Variants in ARID1A observed in about 807,000 individuals in gnomAD.
The protein encoded by ARID1A is AT-rich interaction domain 1A.
Under a neutral mutation model 212.6 loss-of-function variants are expected in ARID1A, and 20 were observed. The ratio of observed to expected loss-of-function variants is 0.09; its 90% confidence interval spans 0.07 to 0.14. The LOEUF (loss-of-function observed/expected upper bound fraction) is 0.14. Ranked by LOEUF, ARID1A falls within the 10% of genes least tolerant of loss-of-function variation. ARID1A has a pLI of 1.00. For synonymous variants in ARID1A, 1,376 were observed against 1,222.1 expected (o/e 1.13, Z -2.63); for missense variants, 2,587 against 3,059.0 (o/e 0.85, Z 3.64).
chr1:26,778,970 GTTCT>G (rs1301266816), intron 19 of ARID1A, 49 bp from the exon 20 acceptor site: 1 of 1,485,668 alleles, frequency 6.7e-7, no homozygotes, highest in African/African-American at 1.4e-5. Context: ...CAATAATTCT[GTTCT>G]TAGGCCACTT....
At chr1:26,716,082 C>G (rs529480255) in intron 1 of ARID1A, among the ~76,000 whole-genome samples, 18 of 150,976 alleles carry the variant, frequency 1.2e-4, no homozygotes, top group African/African-American at 4.4e-4. Context: ...GGTGCATGCC[C>G]GTAATCCCAG....
chr1:26,767,720 G>A (rs2081051528), intron 10 of ARID1A, 70 bp from the exon 11 acceptor site: 1 of 1,417,588 alleles, frequency 7.1e-7, no homozygotes, highest in Non-Finnish European at 9.6e-7. Context: ...CCAGTCAAGA[G>A]ACTTCTGAGA....
chr1:26,765,980 T>C (rs1055636267), intron 8 of ARID1A: 3 of 459,524 alleles, frequency 6.5e-6, no homozygotes, highest in African/African-American at 3.9e-5. Context: ...AGATTAAGGC[T>C]GCAGTAAGCT....
At chr1:26,702,039 G>C (rs1266326298) in intron 1 of ARID1A, among the ~76,000 whole-genome samples, 1 of 152,184 alleles carries the variant, frequency 6.6e-6, no homozygotes, top group Admixed American at 6.5e-5. Flanking sequence ...TTGATATTCT[G>C]CTGCTTTTGG....
At chr1:26,701,014 G>C (rs1270399722) in intron 1 of ARID1A, among the ~76,000 whole-genome samples, 1 of 152,190 alleles carries the variant, frequency 6.6e-6, no homozygotes, top group Non-Finnish European at 1.5e-5. Flanking sequence ...TGTGACATGA[G>C]TAACCATGAC....
rs2124126614 is a variant in ARID1A at position 26,775,627 on chromosome 1, G to A, written c.5044G>A (p.Ala1682Thr). Residue 1682 changes from alanine (A) to threonine (T), a missense_variant, in exon 19 of 20, where the codon GCA becomes ACA. Transcript: ENST00000324856. The part of the protein sequence containing the change: ...VMMSLKSGLL[A>T]ESTWALDTIN... Reference sequence around the variant, plus strand: ...GATGTCCCTCAAGTCTGGTCTCCTGGCAGAGAGCACATGGGCATTAGATAC... The same window carrying A: ...GATGTCCCTCAAGTCTGGTCTCCTGACAGAGAGCACATGGGCATTAGATAC... 1 of 1,614,132 alleles carries A rather than the reference G, an allele frequency of 6.2e-7. No individual in the cohort carries two copies. Among genetic ancestry groups the A allele is most frequent in the Non-Finnish European group, 8.5e-7 (1 of 1,180,014 alleles).
chr1:26,776,326 T>A (rs993077017), intron 19 of ARID1A, among the ~76,000 whole-genome samples: 2 of 150,370 alleles, frequency 1.3e-5, no homozygotes, highest in Non-Finnish European at 3.0e-5. Context: ...CAGGCTGGAG[T>A]GCAGTGGCGC....
chr1:26,745,528 G>A (rs1242412997), intron 4 of ARID1A, among the ~76,000 whole-genome samples: 2 of 152,142 alleles, frequency 1.3e-5, no homozygotes, highest in African/African-American at 4.8e-5. Flanking sequence ...ATAGAATGGA[G>A]GCTGCATGAA....
rs557499331 is a variant in ARID1A at position 26,731,630 on chromosome 1, TC to T, written c.1803+29del. 5,848 of 1,605,870 alleles carry T rather than the reference TC, an allele frequency of 3.6e-3. 21 individuals are homozygous for T. The highest frequency in any genetic ancestry group is 0.012 in the Middle Eastern group (70 of 6,028). On this transcript the variant is annotated intron_variant, in intron 3 of 19. Transcript: ENST00000324856. The stretch of plus-strand genomic sequence containing the variant: ...GTAAGATATCCCTGCCTCCTGCCCT[TC>T]CCTGTGTGTGACTACAGACAGCTTG...
At chr1:26,727,037 A>G (rs544391102) in intron 1 of ARID1A, among the ~76,000 whole-genome samples, 40 of 152,372 alleles carry the variant, frequency 2.6e-4, no homozygotes, top group Non-Finnish European at 4.7e-4. Flanking sequence ...TGAGACTGAA[A>G]AAATGTGGAA....
chr1:26,742,525 T>C (rs1342151842), intron 4 of ARID1A, among the ~76,000 whole-genome samples: 1 of 152,142 alleles, frequency 6.6e-6, no homozygotes, highest in Non-Finnish European at 1.5e-5. Flanking sequence ...AGCACCAACA[T>C]CACCGGGAAG....
intron 4 of ARID1A, among the ~76,000 whole-genome samples, chr1:26,739,024 T>A (rs993397309): frequency 1.3e-5 from 2 of 151,852 alleles, no homozygotes; most frequent in African/African-American, 4.8e-5. Flanking sequence ...GTAGCTGGGA[T>A]TACGGGCACC....
chr1:26,696,811 T>C lies in ARID1A; in HGVS notation c.408T>C (p.Pro136=), dbSNP rs2124741739. 1 of 1,338,476 alleles carries C rather than the reference T, an allele frequency of 7.5e-7. No individual in the cohort carries two copies. The highest frequency in any genetic ancestry group is 9.5e-7 in the Non-Finnish European group (1 of 1,048,790). 82.9% of individuals were successfully genotyped at this position (1,338,476 alleles called of 1,614,324 possible). A position where few individuals can be genotyped will look rare whatever the true frequency, so the allele number is the denominator to read the frequency against. ...GCAGCGATGGGGTGGGGGCGCCTCC[T>C]CACTCAGCCGCGGCCGCCTTGCCGC... ...GGSSDGVGAP[P]HSAAAALPPP... is the part of the protein sequence containing the mutation. The change falls in exon 1 of 20, where the codon CCT becomes CCC. Residue 136 remains proline (P), a synonymous_variant. Transcript: ENST00000324856.
In ARID1A at chr1:26,779,647, A is replaced by G. The variant is rs2124142451; in HGVS notation, c.5749A>G (p.Thr1917Ala). The part of the protein sequence containing the change: ...ITATMDDMLS[T>A]RSSTLTEDGA... ...AGCCACTATGGATGACATGTTGTCT[A>G]CTCGGTCTAGCACCTTGACCGAGGA... is the stretch of plus-strand genomic sequence containing the variant. Residue 1917 changes from threonine to alanine, a missense_variant, in exon 20 of 20, where the codon ACT (threonine) becomes GCT (alanine). Coordinates refer to ENST00000324856, the MANE Select transcript of ARID1A (RefSeq NM_006015.6). 1 of 1,613,986 alleles carries G rather than the reference A, an allele frequency of 6.2e-7. No individual in the cohort carries two copies. Among genetic ancestry groups the G allele is most frequent in the Non-Finnish European group, 8.5e-7 (1 of 1,180,000 alleles).
At chr1:26,756,579 CAAAA>C (rs940032876) in intron 4 of ARID1A, among the ~76,000 whole-genome samples, 10 of 142,728 alleles carry the variant, frequency 7.0e-5, no homozygotes, top group African/African-American at 1.0e-4. Context: ...AAAAAAAAAA[CAAAA>C]AAACACACAC....
chr1:26,749,147 A>T (rs565360184), intron 4 of ARID1A, among the ~76,000 whole-genome samples: 1 of 152,260 alleles, frequency 6.6e-6, no homozygotes, highest in East Asian at 1.9e-4. Flanking sequence ...CCTCGGTGAC[A>T]GAGCGAGACT....
At chr1:26,756,410 A>T (rs2080936972) in intron 4 of ARID1A, among the ~76,000 whole-genome samples, 1 of 151,596 alleles carries the variant, frequency 6.6e-6, no homozygotes, top group South Asian at 2.1e-4. Flanking sequence ...ACAAAAATTA[A>T]CTGGGTGTGG....
chr1:26,696,072 G>T lies in ARID1A; in HGVS notation c.-332G>T. 1 of 550,706 alleles carries T rather than the reference G, an allele frequency of 1.8e-6. No homozygotes were observed. Among genetic ancestry groups the T allele is most frequent in the Non-Finnish European group, 2.4e-6 (1 of 418,530 alleles). 34.1% of individuals were successfully genotyped at this position (550,706 alleles called of 1,614,324 possible). A position where few individuals can be genotyped will look rare whatever the true frequency, so the allele number is the denominator to read the frequency against. On this transcript the variant is annotated 5_prime_UTR_variant, in exon 1 of 20. Transcript: ENST00000324856. ...ACAGCGGGGCCAGGCCCTGGGGAGCGGAGCCTCCACCGCCCCCCTCATTCC... is the reference window on the plus strand; with the variant it reads ...ACAGCGGGGCCAGGCCCTGGGGAGCTGAGCCTCCACCGCCCCCCTCATTCC...
At chr1:26,697,968 C>T (rs2080294148) in intron 1 of ARID1A, among the ~76,000 whole-genome samples, 1 of 152,146 alleles carries the variant, frequency 6.6e-6, no homozygotes, top group South Asian at 2.1e-4. Context: ...CCCGGCCTTC[C>T]TCTGGGCCGC....
Sources: allele counts gnomAD v4.1 joint callset (sites outside exome capture counted in the v4.1 genomes callset), GRCh38; gene constraint gnomAD v4.1.1; transcripts MANE v1.5; gene names NCBI Gene and HGNC (gene_info 2026-07-23, HGNC 2026-07-21).